Variants in CCSER1 observed in about 807,000 individuals in gnomAD.
CCSER1 encodes the protein serine-rich coiled-coil domain-containing protein 1.
CCSER1 carries 41 observed loss-of-function variants against 82.0 expected under a neutral mutation model. The ratio of observed to expected loss-of-function variants is 0.50; its 90% CI spans 0.39 to 0.65. The LOEUF is 0.65. Among genes scored for constraint, CCSER1 ranks in the 30% least tolerant of loss-of-function variants. The pLI, the probability that CCSER1 is intolerant of heterozygous loss-of-function variation, is 0.00. For synonymous variants in CCSER1, 414 were observed against 383.9 expected (o/e 1.08, Z -0.92); for missense variants, 1,119 against 1,064.2 (o/e 1.05, Z -0.72).
At position 90,596,686 on chromosome 4, in the gene CCSER1, T is replaced by C. The variant is rs541809634; in HGVS notation, c.1725-31339T>C. Among the ~76,000 whole-genome samples the C allele has an allele frequency of 2.0e-5, 3 of 151,724 alleles. No homozygotes were observed. In the East Asian group the frequency reaches 5.8e-4, roughly 29 times the overall value. On this transcript the variant is annotated intron_variant, in intron 5 of 10. Transcript: ENST00000509176. Reference sequence around the variant, plus strand: ...ACTGATAAGTTCAAGAATATCTCTGTAAAAGTAATTGCTAAACCAGATATT... The same window carrying C: ...ACTGATAAGTTCAAGAATATCTCTGCAAAAGTAATTGCTAAACCAGATATT...
intron 10 of CCSER1, among the ~76,000 whole-genome samples, chr4:91,512,160 G>A (rs370805705): frequency 3.3e-5 from 5 of 152,260 alleles, no homozygotes; most frequent in East Asian, 3.9e-4. Context: ...GCAATGTACC[G>A]TTTTTGGGTG....
chr4:90,230,296 T>C (rs573615478), intron 1 of CCSER1, among the ~76,000 whole-genome samples: 17 of 152,118 alleles, frequency 1.1e-4, no homozygotes, highest in South Asian at 2.1e-4. Context: ...GCAATCAAAC[T>C]AGAACTCAGG....
chr4:91,018,168 C>G (rs1052905945), intron 9 of CCSER1, among the ~76,000 whole-genome samples: 1 of 152,088 alleles, frequency 6.6e-6, no homozygotes, highest in South Asian at 2.1e-4. Context: ...ATTCTTTCAT[C>G]TATTTATTTA....
At chr4:91,502,199 C>G (rs562402047) in intron 10 of CCSER1, among the ~76,000 whole-genome samples, 33 of 152,138 alleles carry the variant, frequency 2.2e-4, no homozygotes, top group African/African-American at 7.7e-4. Context: ...AAAGGACTAC[C>G]TAGTTTTAAA....
chr4:91,516,959 C>A (rs1281189547), intron 10 of CCSER1, among the ~76,000 whole-genome samples: 1 of 151,940 alleles, frequency 6.6e-6, no homozygotes, highest in Admixed American at 6.6e-5. Context: ...CTTTTTGTGG[C>A]AGTTATAAAT....
intron 6 of CCSER1, among the ~76,000 whole-genome samples, chr4:90,658,853 C>A (rs1730208731): frequency 6.6e-6 from 1 of 152,210 alleles, no homozygotes; most frequent in Non-Finnish European, 1.5e-5. Context: ...AAGCATTTCA[C>A]AAACTAAATA....
intron 10 of CCSER1, among the ~76,000 whole-genome samples, chr4:91,572,704 G>A (rs1172726439): frequency 6.6e-6 from 1 of 151,720 alleles, no homozygotes; most frequent in Non-Finnish European, 1.5e-5. Flanking sequence ...GCTTATATCT[G>A]TAATCCCAGC....
At chr4:90,231,961 G>T (rs1304780666) in intron 1 of CCSER1, among the ~76,000 whole-genome samples, 2 of 150,668 alleles carry the variant, frequency 1.3e-5, no homozygotes, top group African/African-American at 2.4e-5. Context: ...CACTGCTCAA[G>T]GAAATAAAAG....
At chr4:90,826,527 G>T (rs1189929549) in intron 8 of CCSER1, among the ~76,000 whole-genome samples, 1 of 152,106 alleles carries the variant, frequency 6.6e-6, no homozygotes, top group Non-Finnish European at 1.5e-5. Context: ...CCTTTGACAG[G>T]TACTGTGAAT....
chr4:91,286,148 G>C (rs72877086), intron 10 of CCSER1, among the ~76,000 whole-genome samples: 3,389 of 151,544 alleles, frequency 0.022, 135 homozygotes, highest in African/African-American at 0.075. Flanking sequence ...AATTTGAAAT[G>C]GAATTTAGCA....
chr4:91,216,462 G>A (rs1466480239), intron 10 of CCSER1, among the ~76,000 whole-genome samples: 2 of 152,076 alleles, frequency 1.3e-5, no homozygotes, highest in African/African-American at 4.8e-5. Context: ...TGGGACTACA[G>A]GTGCGTGCCA....
At chr4:91,126,515 T>A (rs1727533503) in intron 10 of CCSER1, among the ~76,000 whole-genome samples, 1 of 151,936 alleles carries the variant, frequency 6.6e-6, no homozygotes, top group South Asian at 2.1e-4. Context: ...TTATTTATCA[T>A]AAAATAAATA....
intron 10 of CCSER1, among the ~76,000 whole-genome samples, chr4:91,484,157 A>G (rs1309289194): frequency 6.6e-6 from 1 of 151,976 alleles, no homozygotes; most frequent in Admixed American, 6.6e-5. Flanking sequence ...CCTCTAGTCC[A>G]GTCTTAATAT....
chr4:90,957,454 T>C (rs1199005390), intron 9 of CCSER1, among the ~76,000 whole-genome samples: 1 of 141,030 alleles, frequency 7.1e-6, no homozygotes, highest in Non-Finnish European at 1.5e-5. Context: ...AATTTCATGG[T>C]ATATAAATAA....
At chr4:90,904,975 T>C (rs1284249746) in intron 8 of CCSER1, among the ~76,000 whole-genome samples, 1 of 152,122 alleles carries the variant, frequency 6.6e-6, no homozygotes, top group East Asian at 1.9e-4. Flanking sequence ...AATATCACCA[T>C]CAACCAGCCT....
intron 6 of CCSER1, among the ~76,000 whole-genome samples, chr4:90,691,698 CAT>C (rs141545024): frequency 0.27 from 40,408 of 151,372 alleles, 5,537 homozygotes; most frequent in Middle Eastern, 0.32. Flanking sequence ...TATATACACA[CAT>C]ATATGTTATT....
intron 9 of CCSER1, among the ~76,000 whole-genome samples, chr4:90,957,525 A>ATATATTATATATATTATATAAT (rs1211813548): frequency 6.0e-4 from 75 of 124,378 alleles, no homozygotes; most frequent in East Asian, 5.3e-3. Context: ...ACATAATATC[A>ATATATTATATATATTATATAAT]TATATTATAT....
intron 10 of CCSER1, among the ~76,000 whole-genome samples, chr4:91,105,120 C>A (rs1408817938): frequency 6.6e-5 from 10 of 151,504 alleles, no homozygotes; most frequent in African/African-American, 2.2e-4. Flanking sequence ...GAGTTTAGCT[C>A]CCACTTATAT....
chr4:91,373,892 C>T (rs1211105887), intron 10 of CCSER1, among the ~76,000 whole-genome samples: 1 of 152,138 alleles, frequency 6.6e-6, no homozygotes, highest in African/African-American at 2.4e-5. Flanking sequence ...GAAAGTGAAA[C>T]AGCCTTATTG....
Sources: gnomAD v4.1 joint callset for allele counts (sites outside exome capture counted in the v4.1 genomes callset) on GRCh38, gnomAD v4.1.1 for gene constraint, MANE v1.5 for transcripts, NCBI Gene and HGNC (gene_info 2026-07-23, HGNC 2026-07-21) for gene names.